MCHR2: variants seen among roughly 807,000 people sequenced by gnomAD.
MCHR2 encodes the protein melanin concentrating hormone receptor 2, also known as melanin-concentrating hormone receptor 2.
In MCHR2, 15 loss-of-function variants were observed where a neutral mutation model predicts 24.8. The ratio of observed to expected loss-of-function variants is 0.60; its 90% confidence interval spans 0.40 to 0.93. The LOEUF is 0.93. Among genes scored for constraint, MCHR2 ranks in the 40% least tolerant of loss-of-function variants. The probability of loss-of-function intolerance (pLI) is 0.00; values close to 1 mark genes in which losing one functional copy is unlikely to be tolerated. For missense variants in MCHR2, 386 were observed against 408.7 expected (o/e 0.94, Z 0.48); for synonymous variants, 151 against 147.6 (o/e 1.02, Z -0.17).
At chr6:99,970,279 G>A (rs561820506) in intron 1 of MCHR2, among the ~76,000 whole-genome samples, 1 of 152,262 alleles carries the variant, frequency 6.6e-6, no homozygotes, top group African/African-American at 2.4e-5. Flanking sequence ...GTATCTCATT[G>A]TGGTTTTGAT....
At chr6:99,992,918 C>G (rs1230276182) in intron 1 of MCHR2, among the ~76,000 whole-genome samples, 2 of 152,134 alleles carry the variant, frequency 1.3e-5, no homozygotes, top group African/African-American at 2.4e-5. Flanking sequence ...TCCCCACCCC[C>G]CCATCTCTAC....
At chr6:99,993,436 A>G (rs531900960) in intron 1 of MCHR2, among the ~76,000 whole-genome samples, 10 of 152,296 alleles carry the variant, frequency 6.6e-5, no homozygotes, top group African/African-American at 2.2e-4. Flanking sequence ...GGAGGCGCGT[A>G]CAGGGGACAC....
At chr6:99,969,473 C>CAA (rs1214316677) in intron 1 of MCHR2, among the ~76,000 whole-genome samples, 3,272 of 76,052 alleles carry the variant, frequency 0.043, 132 homozygotes, top group Middle Eastern at 0.088. Context: ...GACTCCATCT[C>CAA]AAAAAAAAAA....
intron 2 of MCHR2, among the ~76,000 whole-genome samples, chr6:99,951,260 G>C (rs565175755): frequency 4.6e-5 from 7 of 152,136 alleles, no homozygotes; most frequent in Non-Finnish European, 1.0e-4. Flanking sequence ...GCTATCATGA[G>C]CCTATGCCAA....
chr6:99,930,978 CT>C (rs1562118739), intron 5 of MCHR2, among the ~76,000 whole-genome samples: 2 of 152,066 alleles, frequency 1.3e-5, no homozygotes, highest in African/African-American at 4.8e-5. Context: ...GTTTTATCTA[CT>C]TTTGGTCTTT....
Position 99,939,708 on chromosome 6 carries a change from G to GTTT in MCHR2, c.587+3238_587+3240dup, listed in dbSNP as rs1554193875. Among the ~76,000 whole-genome samples the GTTT allele has an allele frequency of 2.8e-5, 4 of 142,796 alleles. No individual in the cohort carries two copies. In the East Asian group the frequency reaches 8.3e-4, roughly 30 times the overall value. The allele number at this position is 142,796 out of a possible 152,430, so 93.7% of individuals were successfully genotyped here. A position where few individuals can be genotyped will look rare whatever the true frequency, so the allele number is the denominator to read the frequency against. On this transcript the variant is annotated intron_variant, in intron 4 of 5. Transcript: ENST00000281806. ...AAGTATTTTCTTTTTGCACATTAGT[G>GTTT]TTTTTTTTTTTTTCTTTCCAACAGA... is the stretch of plus-strand genomic sequence containing the variant.
At chr6:99,942,087 A>G (rs942807897) in intron 4 of MCHR2, among the ~76,000 whole-genome samples, 1 of 152,230 alleles carries the variant, frequency 6.6e-6, no homozygotes. Context: ...CAAATTGAAG[A>G]CTTTTAATTT....
chr6:99,948,747 A>T (rs1774919115), intron 2 of MCHR2, among the ~76,000 whole-genome samples: 1 of 152,218 alleles, frequency 6.6e-6, no homozygotes, highest in Admixed American at 6.5e-5. Flanking sequence ...CTAGTATTTA[A>T]AACAGCTGAA....
rs1394932918 is a variant in MCHR2 at position 99,920,948 on chromosome 6, G to A, written c.1015C>T (p.His339Tyr). Residue 339 changes from histidine to tyrosine, a missense_variant, in exon 6 of 6, where the codon CAC becomes TAC. Coordinates refer to ENST00000281806, the MANE Select transcript of MCHR2 (RefSeq NM_001040179.2). The stretch of plus-strand genomic sequence containing the variant: ...GTGATCCATGTACTTTCCTAAAAGT[G>A]TGATTTCAGAGTGTTTCCCATATTG... ...INNMGNTLKS[H>Y]F 6.2e-7 allele frequency: 1 copy of A among 1,613,672 alleles called. No individual in the cohort carries two copies. Among genetic ancestry groups the A allele is most frequent in the Non-Finnish European group, 8.5e-7 (1 of 1,179,836 alleles).
Position 99,956,086 on chromosome 6 carries a change from T to A in MCHR2, c.62A>T (p.Asn21Ile), listed in dbSNP as rs1468094783. Reference protein sequence around the residue: ...TSAELLNKSWNKEFAYQTASV... With the variant: ...TSAELLNKSWIKEFAYQTASV... ...GGCAGTTTGATAAGCAAACTCTTTA[T>A]TCCAGGATTTGTTTAAAAGTTCGGC... The change falls in exon 2 of 6, where the codon AAT becomes ATT. Residue 21 changes from asparagine to isoleucine, a missense_variant. Asn to Ile is a moderately radical substitution (Grantham distance 149). Transcript: ENST00000281806. 1 of 1,613,384 alleles carries A rather than the reference T, an allele frequency of 6.2e-7. No individual in the cohort carries two copies. The highest frequency in any genetic ancestry group is 1.3e-5 in the African/African-American group (1 of 74,872).
chr6:99,920,676 G>A lies in MCHR2; in HGVS notation c.*264C>T, dbSNP rs1774204976. 2.6e-6 allele frequency: 1 copy of A among 391,538 alleles called. No homozygotes were observed. The highest frequency in any genetic ancestry group is 3.4e-5 in the South Asian group (1 of 28,994). The allele number at this position is 391,538 out of a possible 1,614,324, so 24.3% of individuals were successfully genotyped here. ...TTCATTAGTGACTAGTTTATAATAT[G>A]CTGAAATAATATACACCATCATGAA... On this transcript the variant is annotated 3_prime_UTR_variant, in exon 6 of 6. Transcript: ENST00000281806.
intron 1 of MCHR2, among the ~76,000 whole-genome samples, chr6:99,979,598 A>T (rs1046501384): frequency 1.3e-5 from 2 of 152,208 alleles, no homozygotes; most frequent in Non-Finnish European, 2.9e-5. Context: ...GTTAAATTAA[A>T]TGTATTATTA....
At chr6:99,938,584 T>G (rs767366834) in intron 4 of MCHR2, among the ~76,000 whole-genome samples, 3 of 152,052 alleles carry the variant, frequency 2.0e-5, no homozygotes, top group Non-Finnish European at 2.9e-5. Context: ...CTTTTTTGAA[T>G]TTGATCAGAT....
At chr6:99,957,751 T>TTAAA (rs1554195073) in intron 1 of MCHR2, among the ~76,000 whole-genome samples, 1 of 151,444 alleles carries the variant, frequency 6.6e-6, no homozygotes, top group Non-Finnish European at 1.5e-5. Context: ...AGAGTTAACA[T>TTAAA]TTGTTAAAAA....
chr6:99,955,411 G>A (rs78573748), intron 2 of MCHR2, among the ~76,000 whole-genome samples: 1 of 152,084 alleles, frequency 6.6e-6, no homozygotes, highest in Non-Finnish European at 1.5e-5. Context: ...GGTTTATATA[G>A]GCTGGTCTAC....
At chr6:99,943,285 T>C (rs1361591548) in intron 3 of MCHR2, 142 bp from the exon 4 acceptor site, 1 of 261,198 alleles carries the variant, frequency 3.8e-6, no homozygotes. Flanking sequence ...GAAAGTTTTA[T>C]ATATATATAT....
rs1196907758 is a variant in MCHR2 at position 99,920,918 on chromosome 6, T to C, written c.*22A>G. 6.2e-7 allele frequency: 1 copy of C among 1,606,144 alleles called. No individual in the cohort carries two copies. The highest frequency in any genetic ancestry group is 8.5e-7 in the Non-Finnish European group (1 of 1,174,674). ...GTAAGATAGACAATCATGTCTAGAC[T>C]CATGGTGATCCATGTACTTTCCTAA... On this transcript the variant is annotated 3_prime_UTR_variant, in exon 6 of 6. Transcript: ENST00000281806.
intron 4 of MCHR2, 54 bp from the exon 5 acceptor site, chr6:99,934,571 A>T: frequency 6.9e-7 from 1 of 1,446,294 alleles, no homozygotes. Flanking sequence ...CATTACATTA[A>T]TTGGATTAGG....
At position 99,935,584 on chromosome 6, in the gene MCHR2, A is replaced by AT. The variant is rs573050385; in HGVS notation, c.588-1068dup. ...GAATGATATTCTATTGTGTGTATATATATTATACTTTATCCATTCACCTAT... is the reference window on the plus strand; with the variant it reads ...GAATGATATTCTATTGTGTGTATATATTATTATACTTTATCCATTCACCTAT... On this transcript the variant is annotated intron_variant, in intron 4 of 5. Transcript: ENST00000281806. 2.0e-4 allele frequency among the ~76,000 whole-genome samples: 30 copies of AT among 152,068 alleles called. 1 individual carries two copies. The South Asian group carries it at 6.2e-3, about 32-fold the overall frequency.
Sources: allele counts gnomAD v4.1 joint callset (sites outside exome capture counted in the v4.1 genomes callset), GRCh38; gene constraint gnomAD v4.1.1; transcripts MANE v1.5; gene names NCBI Gene and HGNC (gene_info 2026-07-23, HGNC 2026-07-21).